The following DTNB variants were observed in gnomAD, a reference collection of about 807,000 sequenced individuals.
DTNB encodes the protein DTN-B.
Under a neutral mutation model 90.7 loss-of-function variants are expected in DTNB, and 63 were observed. The observed-to-expected ratio is 0.69, with a 90% CI of 0.57 to 0.86. DTNB has a LOEUF of 0.86. DTNB is among the 40% of genes least tolerant of loss of function. DTNB has a pLI of 0.00. For synonymous variants in DTNB, 277 were observed against 286.7 expected (o/e 0.97, Z 0.34); for missense variants, 744 against 807.1 (o/e 0.92, Z 0.95).
chr2:25,556,607 T>TA (rs1000732145), intron 8 of DTNB, among the ~76,000 whole-genome samples: 2 of 152,086 alleles, frequency 1.3e-5, no homozygotes, highest in Non-Finnish European at 2.9e-5. Flanking sequence ...ATGAAATATA[T>TA]AGACAAATAA....
chr2:25,630,016 T>C lies in DTNB; in HGVS notation c.149-1632A>G, dbSNP rs910044718. Among the ~76,000 whole-genome samples the C allele has an allele frequency of 5.9e-5, 9 of 152,246 alleles. No homozygotes were observed. In the South Asian group the frequency reaches 1.0e-3, roughly 18 times the overall value. ...ATTAAGGGTCTGGGATCCAGACACA[T>C]AAAAACTCTTACAATTCAACAATTA... is the stretch of plus-strand genomic sequence containing the variant. On this transcript the variant is annotated intron_variant, in intron 3 of 20. Coordinates refer to ENST00000406818, the MANE Select transcript of DTNB (RefSeq NM_021907.5).
At chr2:25,417,988 T>C (rs770199403) in intron 16 of DTNB, among the ~76,000 whole-genome samples, 13 of 152,156 alleles carry the variant, frequency 8.5e-5, no homozygotes, top group Non-Finnish European at 1.6e-4. Flanking sequence ...GAGGAAGTGA[T>C]GCGTGTCACT....
rs2077664533 is a variant in DTNB, at chr2:25,639,016, T to G, written c.146A>C (p.Asn49Thr). ...AGAAATGAGTAGAAATGACTCACGG[T>G]TGCATCGTTTTTGTACAAATCGTAA... is the stretch of plus-strand genomic sequence containing the variant. The part of the protein sequence containing the change: ...CKLRFVQKRC[N>T]LHLVDIWNMI... Residue 49 changes from asparagine (N) to threonine (T), a missense_variant and splice_region_variant, in exon 3 of 21, where the codon AAC (asparagine) becomes ACC (threonine). Transcript: ENST00000406818. The G allele has an allele frequency of 6.3e-7, 1 of 1,583,160 alleles. No individual in the cohort carries two copies. Among genetic ancestry groups the G allele is most frequent in the Non-Finnish European group, 8.6e-7 (1 of 1,160,774 alleles).
intron 1 of DTNB, among the ~76,000 whole-genome samples, chr2:25,666,907 ATC>A (rs1442732510): frequency 6.6e-6 from 1 of 152,172 alleles, no homozygotes; most frequent in Non-Finnish European, 1.5e-5. Flanking sequence ...ACTGCTGCCA[ATC>A]TCTGCCTAGA....
intron 5 of DTNB, among the ~76,000 whole-genome samples, chr2:25,600,352 G>A (rs2065613329): frequency 6.6e-6 from 1 of 152,214 alleles, no homozygotes; most frequent in Non-Finnish European, 1.5e-5. Context: ...TCTTCATAGA[G>A]GCAACTCTTT....
chr2:25,624,188 C>CCT (rs1223549210), intron 4 of DTNB, among the ~76,000 whole-genome samples: 1 of 152,198 alleles, frequency 6.6e-6, no homozygotes, highest in Non-Finnish European at 1.5e-5. Flanking sequence ...GCTCCCTGTC[C>CCT]CTCTTCAAGT....
intron 9 of DTNB, among the ~76,000 whole-genome samples, chr2:25,496,114 G>T (rs781372186): frequency 7.2e-5 from 11 of 152,168 alleles, no homozygotes; most frequent in Non-Finnish European, 1.3e-4. Context: ...GGACAGAATT[G>T]TAAAATGAGA....
intron 8 of DTNB, among the ~76,000 whole-genome samples, chr2:25,572,682 G>A (rs1373760868): frequency 2.7e-5 from 4 of 150,514 alleles, no homozygotes; most frequent in Non-Finnish European, 4.4e-5. Flanking sequence ...TTAAATAGTA[G>A]TTTTATAGCT....
chr2:25,625,432 A>C (rs2073895426), intron 4 of DTNB, among the ~76,000 whole-genome samples: 1 of 152,216 alleles, frequency 6.6e-6, no homozygotes, highest in Admixed American at 6.5e-5. Flanking sequence ...AAGGTATCAA[A>C]GTTAGTAAAG....
chr2:25,509,830 A>G (rs1403710458), intron 9 of DTNB, among the ~76,000 whole-genome samples: 1 of 144,234 alleles, frequency 6.9e-6, no homozygotes, highest in Non-Finnish European at 1.5e-5. Flanking sequence ...GCTCAATTGC[A>G]ACCTCCATCT....
chr2:25,662,759 G>GA (rs1297765523), intron 1 of DTNB, among the ~76,000 whole-genome samples: 1 of 151,204 alleles, frequency 6.6e-6, no homozygotes, highest in East Asian at 1.9e-4. Flanking sequence ...ATTCAGAAAA[G>GA]AGAGTATCTC....
chr2:25,433,044 A>C, intron 13 of DTNB, 45 bp from the exon 14 acceptor site: 4 of 1,518,434 alleles, frequency 2.6e-6, no homozygotes, highest in Non-Finnish European at 3.5e-6. Flanking sequence ...AGTGCTTCTC[A>C]CTCACGCTCC....
chr2:25,396,575 G>C (rs935882768), intron 16 of DTNB, among the ~76,000 whole-genome samples: 3 of 151,444 alleles, frequency 2.0e-5, no homozygotes. Flanking sequence ...GTGGGAGGGG[G>C]GTGAGGGATA....
chr2:25,573,333 G>A (rs1211865629), intron 8 of DTNB, among the ~76,000 whole-genome samples: 1 of 152,188 alleles, frequency 6.6e-6, no homozygotes, highest in Non-Finnish European at 1.5e-5. Flanking sequence ...CAGAACCAAA[G>A]GGGATTCTGA....
chr2:25,622,855 C>T (rs375328106), intron 4 of DTNB, among the ~76,000 whole-genome samples: 15 of 151,990 alleles, frequency 9.9e-5, no homozygotes, highest in African/African-American at 1.9e-4. Flanking sequence ...AAAGACAATA[C>T]GAAACAAGAA....
intron 1 of DTNB, 116 bp from the exon 2 acceptor site, chr2:25,652,777 C>A: frequency 1.1e-6 from 1 of 937,992 alleles, no homozygotes; most frequent in Non-Finnish European, 1.5e-6. Context: ...CATTTTAAGA[C>A]AGTATCAGTA....
At chr2:25,401,591 T>C (rs1417698470) in intron 16 of DTNB, among the ~76,000 whole-genome samples, 1 of 152,210 alleles carries the variant, frequency 6.6e-6, no homozygotes, top group African/African-American at 2.4e-5. Context: ...TAGTAGGGGC[T>C]CCAAAAATAG....
chr2:25,485,391 T>C (rs1017667601), intron 9 of DTNB, among the ~76,000 whole-genome samples: 9 of 152,204 alleles, frequency 5.9e-5, no homozygotes, highest in African/African-American at 2.2e-4. Context: ...AATAAAAAAT[T>C]CAAATTCCTA....
intron 9 of DTNB, among the ~76,000 whole-genome samples, chr2:25,511,034 G>A (rs568467593): frequency 1.2e-4 from 19 of 152,058 alleles, no homozygotes; most frequent in Non-Finnish European, 2.1e-4. Flanking sequence ...ATGCTTCTAC[G>A]CTGATTTTCT....
Sources: allele counts gnomAD v4.1 joint callset (sites outside exome capture counted in the v4.1 genomes callset), GRCh38; gene constraint gnomAD v4.1.1; transcripts MANE v1.5; gene names NCBI Gene and HGNC (gene_info 2026-07-23, HGNC 2026-07-21).